PRKDC: variants seen among roughly 807,000 people sequenced by gnomAD.
The protein encoded by PRKDC is DNA-dependent protein kinase catalytic subunit.
PRKDC carries 82 observed loss-of-function variants against 486.9 expected under a neutral mutation model. The ratio of observed to expected loss-of-function variants is 0.17; its 90% CI spans 0.14 to 0.20. The LOEUF (loss-of-function observed/expected upper bound fraction) is 0.20. Among genes scored for constraint, PRKDC ranks in the 10% least tolerant of loss-of-function variants. The pLI is 1.00. For missense variants in PRKDC, 4,504 were observed against 5,038.2 expected (o/e 0.89, Z 3.21); for synonymous variants, 1,895 against 1,837.0 (o/e 1.03, Z -0.81).
chr8:47,860,454 G>A (rs1389641837), intron 45 of PRKDC, among the ~76,000 whole-genome samples: 2 of 152,112 alleles, frequency 1.3e-5, no homozygotes, highest in African/African-American at 2.4e-5. Context: ...GGAGGGAGTC[G>A]GCAGGTCAGG....
intron 23 of PRKDC, 133 bp from the exon 24 acceptor site, chr8:47,914,197 C>T: frequency 2.7e-6 from 2 of 746,564 alleles, no homozygotes; most frequent in Non-Finnish European, 3.7e-6. Context: ...ATTCATCTTT[C>T]CCTTTTCTTT....
chr8:47,859,317 C>T (rs1378636009), intron 46 of PRKDC, among the ~76,000 whole-genome samples: 1 of 152,102 alleles, frequency 6.6e-6, no homozygotes, highest in African/African-American at 2.4e-5. Context: ...GATGTCTCTG[C>T]TATGTGACCC....
chr8:47,774,144 T>C lies in PRKDC; in HGVS notation c.*29A>G. 1 of 1,546,196 alleles carries C rather than the reference T, an allele frequency of 6.5e-7. No homozygotes were observed. Among genetic ancestry groups the C allele is most frequent in the South Asian group, 1.2e-5 (1 of 83,300 alleles). On this transcript the variant is annotated 3_prime_UTR_variant, in exon 86 of 86. Coordinates refer to ENST00000314191, the MANE Select transcript of PRKDC (RefSeq NM_006904.7). ...ATAGTAGATTCTTTAAACAATGTAA[T>C]GCTTTCTATCTGCAGACTCCCACAG...
intron 21 of PRKDC, chr8:47,926,739 CA>C (rs2090163848): frequency 6.6e-6 from 1 of 152,252 alleles, no homozygotes; most frequent in Non-Finnish European, 1.5e-5. Flanking sequence ...TCTATGATGA[CA>C]TTTTTTTCGC....
chr8:47,863,029 G>C (rs2088713434), intron 42 of PRKDC, among the ~76,000 whole-genome samples: 1 of 152,252 alleles, frequency 6.6e-6, no homozygotes, highest in Admixed American at 6.5e-5. Context: ...TAGAATGCCT[G>C]TTAAAAAATA....
intron 68 of PRKDC, among the ~76,000 whole-genome samples, chr8:47,811,911 A>T (rs898091141): frequency 2.6e-5 from 4 of 152,218 alleles, no homozygotes; most frequent in Non-Finnish European, 4.4e-5. Flanking sequence ...TGGGTGATGC[A>T]GGTTGCAGTG....
chr8:47,818,578 C>CA (rs1174698261), intron 67 of PRKDC, among the ~76,000 whole-genome samples: 2,388 of 35,658 alleles, frequency 0.067, 162 homozygotes, highest in Non-Finnish European at 0.082. Flanking sequence ...GACTCCGTCT[C>CA]AAAAAAAAAA....
intron 59 of PRKDC, among the ~76,000 whole-genome samples, chr8:47,832,566 T>G (rs8178179): frequency 0.035 from 5,314 of 152,022 alleles, 147 homozygotes; most frequent in Middle Eastern, 0.068. Context: ...TCATGGAAAC[T>G]GAAACGTGTC....
At position 47,902,649 on chromosome 8, in the gene PRKDC, A is replaced by C; in HGVS notation, c.3189T>G (p.Leu1063=). 1 of 1,613,700 alleles carries C rather than the reference A, an allele frequency of 6.2e-7. No homozygotes were observed. ...PVNTKSLFKR[L]YSLALHPNAF... Reference sequence around the variant, plus strand: ...CATTGGGGTGAAGCGCAAGGCTATAAAGTCGCTTGAAAAGCGATTTGGTGT... The same window carrying C: ...CATTGGGGTGAAGCGCAAGGCTATACAGTCGCTTGAAAAGCGATTTGGTGT... The change falls in exon 27 of 86, where the codon CTT becomes CTG. Residue 1063 remains leucine (L), a synonymous_variant. Coordinates refer to ENST00000314191, the MANE Select transcript of PRKDC (RefSeq NM_006904.7).
At chr8:47,902,168 C>T (rs1237465965) in intron 27 of PRKDC, among the ~76,000 whole-genome samples, 1 of 152,064 alleles carries the variant, frequency 6.6e-6, no homozygotes, top group Non-Finnish European at 1.5e-5. Flanking sequence ...TTATCTCTAC[C>T]CCCCCACCAC....
At chr8:47,846,615 C>T (rs114367402) in intron 54 of PRKDC, among the ~76,000 whole-genome samples, 48 of 152,280 alleles carry the variant, frequency 3.2e-4, no homozygotes, top group African/African-American at 1.1e-3. Context: ...TGCCCACTCT[C>T]ATCACTCCTA....
chr8:47,932,063 T>C (rs2090266236), intron 16 of PRKDC, among the ~76,000 whole-genome samples: 1 of 149,960 alleles, frequency 6.7e-6, no homozygotes, highest in Non-Finnish European at 1.5e-5. Context: ...GCTCATTTTT[T>C]TTGTATTTTG....
intron 40 of PRKDC, among the ~76,000 whole-genome samples, chr8:47,873,773 G>C (rs189312903): frequency 6.6e-6 from 1 of 152,022 alleles, no homozygotes; most frequent in Non-Finnish European, 1.5e-5. Context: ...CAATCTTTGC[G>C]CGTTCTCACT....
At chr8:47,783,291 G>GA (rs59564279) in intron 78 of PRKDC, among the ~76,000 whole-genome samples, 10,446 of 87,044 alleles carry the variant, frequency 0.12, 474 homozygotes, top group African/African-American at 0.16. Flanking sequence ...AAAAAAAAAA[G>GA]AAAAAAAAAA....
Position 47,859,710 on chromosome 8 carries a change from C to G in PRKDC, c.6108G>C (p.Leu2036=). ...AATCAAATTGACTCATTTCCTCACTCAGGGTACTGTCTGCCAAATATGACA... is the reference window on the plus strand; with the variant it reads ...AATCAAATTGACTCATTTCCTCACTGAGGGTACTGTCTGCCAAATATGACA... The part of the protein sequence containing the change: ...SSLSYLADST[L]SEEMSQFDFS... The change falls in exon 46 of 86, where the codon CTG becomes CTC. Residue 2036 remains leucine (L), a synonymous_variant. Transcript: ENST00000314191. 6.2e-7 allele frequency: 1 copy of G among 1,613,758 alleles called. No homozygotes were observed. Among genetic ancestry groups the G allele is most frequent in the Non-Finnish European group, 8.5e-7 (1 of 1,179,710 alleles).
intron 48 of PRKDC, 63 bp from the exon 49 acceptor site, chr8:47,857,362 A>G: frequency 6.7e-7 from 1 of 1,496,264 alleles, no homozygotes; most frequent in South Asian, 1.3e-5. Context: ...ATATTAATAC[A>G]AGACTGTATC....
Position 47,953,686 on chromosome 8 carries a change from C to G in PRKDC, c.655G>C (p.Val219Leu), listed in dbSNP as rs1247432451. The change falls in exon 7 of 86, where the codon GTT becomes CTT. Residue 219 changes from valine to leucine, a missense_variant. Val to Leu is a conservative substitution (Grantham distance 32, BLOSUM62 1). This residue lies in a region of PRKDC where 1,969 missense variants were observed against 2,068.9 expected (regional missense o/e 0.95). Coordinates refer to ENST00000314191, the MANE Select transcript of PRKDC (RefSeq NM_006904.7). ...TSAVREPKLP[V>L]LAGCLKGLSS... ...AACCCCTTCAGACATCCTGCCAGAA[C>G]AGGTAGTTTGGGCTCTCTTACTGCT... The G allele has an allele frequency of 3.7e-6, 6 of 1,613,400 alleles. No individual in the cohort carries two copies. The Middle Eastern group carries it at 4.9e-4, about 133-fold the overall frequency.
At chr8:47,846,764 T>A (rs534035752) in intron 54 of PRKDC, among the ~76,000 whole-genome samples, 2 of 152,252 alleles carry the variant, frequency 1.3e-5, no homozygotes, top group East Asian at 3.9e-4. Context: ...CCCTAAAGAC[T>A]CTGACAAAAC....
At chr8:47,895,516 T>A (rs1208977682) in intron 30 of PRKDC, among the ~76,000 whole-genome samples, 1 of 152,122 alleles carries the variant, frequency 6.6e-6, no homozygotes, top group Non-Finnish European at 1.5e-5. Context: ...AGAAATCCTA[T>A]GTGCTACCAG....
Sources: gnomAD v4.1 joint callset for allele counts (sites outside exome capture counted in the v4.1 genomes callset) on GRCh38, gnomAD v4.1.1 for gene constraint, gnomAD v4.1.1 regional missense constraint, MANE v1.5 for transcripts, NCBI Gene and HGNC (gene_info 2026-07-23, HGNC 2026-07-21) for gene names.